SNX29: variants seen among roughly 807,000 people sequenced by gnomAD.
SNX29 encodes the protein sorting nexin-29.
In SNX29, 78 loss-of-function variants were observed where a neutral mutation model predicts 102.1. The observed-to-expected ratio is 0.76, with a 90% CI of 0.64 to 0.92. The LOEUF (loss-of-function observed/expected upper bound fraction) is 0.92, where lower values mean the gene tolerates loss of function less well. Among genes scored for constraint, SNX29 ranks in the 40% least tolerant of loss-of-function variants. SNX29 has a pLI of 0.00. For missense variants in SNX29, 1,280 were observed against 1,061.7 expected (o/e 1.21, Z -2.86); for synonymous variants, 580 against 414.5 (o/e 1.40, Z -4.85).
intron 1 of SNX29, among the ~76,000 whole-genome samples, chr16:11,985,283 T>C (rs17237958): frequency 0.085 from 12,962 of 152,212 alleles, 651 homozygotes; most frequent in East Asian, 0.24. Flanking sequence ...CTATCACTTA[T>C]CAAAAGGTTG....
intron 1 of SNX29, among the ~76,000 whole-genome samples, chr16:11,983,173 C>T (rs1378927869): frequency 6.6e-6 from 1 of 151,820 alleles, no homozygotes. Flanking sequence ...TCAGGTGATC[C>T]ACCTGCCTTG....
At chr16:12,328,666 C>G (rs1433620820) in intron 15 of SNX29, among the ~76,000 whole-genome samples, 1 of 152,194 alleles carries the variant, frequency 6.6e-6, no homozygotes, top group Non-Finnish European at 1.5e-5. Flanking sequence ...ATCGTTCATC[C>G]TTTCACTTGG....
chr16:12,554,293 C>T (rs1357149243), intron 20 of SNX29, among the ~76,000 whole-genome samples: 4 of 152,224 alleles, frequency 2.6e-5, no homozygotes, highest in Non-Finnish European at 5.9e-5. Context: ...GTGCTTGCTT[C>T]ATATGAGGTT....
Position 12,129,675 on chromosome 16 carries a change from G to C in SNX29, c.1512G>C (p.Ala504=). Residue 504 remains alanine (A), a synonymous_variant, in exon 13 of 21, where the codon GCG becomes GCC. Coordinates refer to ENST00000566228, the MANE Select transcript of SNX29 (RefSeq NM_032167.5). ...LLDGEMEHSA[A]LRQEVDTLKR... ...ACGGTGAGATGGAGCACTCAGCCGC[G>C]CTCCGGCAAGAGGTGGACACCTTGA... 6.2e-7 allele frequency: 1 copy of C among 1,611,152 alleles called. No individual in the cohort carries two copies. The highest frequency in any genetic ancestry group is 8.5e-7 in the Non-Finnish European group (1 of 1,179,572).
rs781015051 is a variant in SNX29, at chr16:12,568,545, C to G, written c.2358C>G (p.Pro786=). 21 of 1,609,554 alleles carry G rather than the reference C, an allele frequency of 1.3e-5. No homozygotes were observed. Among genetic ancestry groups the G allele is most frequent in the African/African-American group, 5.3e-5 (4 of 74,926 alleles). The part of the protein sequence containing the change: ...TPPGEPVNSR[P]KAASRFPKLS... The stretch of plus-strand genomic sequence containing the variant: ...CCGGAGAGCCTGTGAACAGCCGGCC[C>G]AAAGCAGCTTCCCGCTTCCCCAAAC... The change falls in exon 21 of 21, where the codon CCC becomes CCG. Residue 786 remains proline (P), a synonymous_variant. Coordinates refer to ENST00000566228, the MANE Select transcript of SNX29 (RefSeq NM_032167.5).
At chr16:11,990,223 C>A (rs1017599796) in intron 1 of SNX29, among the ~76,000 whole-genome samples, 2 of 152,144 alleles carry the variant, frequency 1.3e-5, no homozygotes, top group African/African-American at 4.8e-5. Flanking sequence ...ATTGTTCTCA[C>A]AAGAGTATAA....
rs574595815 is a variant in SNX29 at position 12,460,482 on chromosome 16, C to A, written c.2038-17237C>A. On this transcript the variant is annotated intron_variant, in intron 18 of 20. Coordinates refer to ENST00000566228, the MANE Select transcript of SNX29 (RefSeq NM_032167.5). Reference sequence around the variant, plus strand: ...GTCTTCCCTCTTGTTACCTCCTCCTCCCCCTGGCCAGCTCCTCTTCATCCT... The same window carrying A: ...GTCTTCCCTCTTGTTACCTCCTCCTACCCCTGGCCAGCTCCTCTTCATCCT... Among the ~76,000 whole-genome samples, 3 of 152,226 alleles carry A rather than the reference C, an allele frequency of 2.0e-5. No individual in the cohort carries two copies. The South Asian group carries it at 6.2e-4, about 32-fold the overall frequency.
At chr16:12,500,761 A>T (rs957476147) in intron 19 of SNX29, among the ~76,000 whole-genome samples, 1 of 152,240 alleles carries the variant, frequency 6.6e-6, no homozygotes, top group African/African-American at 2.4e-5. Context: ...GAGAATCTGC[A>T]TGTTCACAGG....
At chr16:12,413,374 G>T (rs2151554533) in intron 18 of SNX29, among the ~76,000 whole-genome samples, 2 of 152,154 alleles carry the variant, frequency 1.3e-5, no homozygotes, top group Middle Eastern at 6.8e-3. Flanking sequence ...AGAGACAGGT[G>T]GCAGAGGGTG....
intron 18 of SNX29, among the ~76,000 whole-genome samples, chr16:12,459,036 C>T (rs1356449973): frequency 1.4e-5 from 2 of 145,208 alleles, no homozygotes; most frequent in African/African-American, 2.6e-5. Flanking sequence ...CCTCCTCCTC[C>T]GCCCCCTCCT....
At chr16:12,033,132 G>C (rs1455330559) in intron 4 of SNX29, among the ~76,000 whole-genome samples, 1 of 152,174 alleles carries the variant, frequency 6.6e-6, no homozygotes, top group Non-Finnish European at 1.5e-5. Context: ...TGGAAGTACA[G>C]GTGCGAGCCA....
intron 16 of SNX29, among the ~76,000 whole-genome samples, chr16:12,386,315 T>G (rs1221415250): frequency 1.3e-5 from 2 of 152,334 alleles, no homozygotes; most frequent in Middle Eastern, 3.4e-3. Flanking sequence ...GGCACTCTTC[T>G]TAGTACTTTA....
At chr16:12,552,554 A>G (rs1273753069) in intron 20 of SNX29, among the ~76,000 whole-genome samples, 2 of 152,198 alleles carry the variant, frequency 1.3e-5, no homozygotes, top group Non-Finnish European at 2.9e-5. Flanking sequence ...CAGCACTGGC[A>G]CACAGGCCAG....
In SNX29 at chr16:12,552,797, C is replaced by T. The variant is rs558838344; in HGVS notation, c.2319-15709C>T. Among the ~76,000 whole-genome samples, 3 of 152,092 alleles carry T rather than the reference C, an allele frequency of 2.0e-5. No homozygotes were observed. In the South Asian group the frequency reaches 6.2e-4, roughly 32 times the overall value. Reference sequence around the variant, plus strand: ...TCTCAGCTCTGGGCTTTCAGTCATCCTGGAGGAGAGAACAGCCAACAGTGT... The same window carrying T: ...TCTCAGCTCTGGGCTTTCAGTCATCTTGGAGGAGAGAACAGCCAACAGTGT... On this transcript the variant is annotated intron_variant, in intron 20 of 20. Coordinates refer to ENST00000566228, the MANE Select transcript of SNX29 (RefSeq NM_032167.5).
Position 12,573,884 on chromosome 16 carries a change from C to G in SNX29, c.*5255C>G. ...TGGCCTCTCTTCATCCCTGGCTTAG[C>G]CGTCAGGTAGAACGCTTACTCACCT... On this transcript the variant is annotated 3_prime_UTR_variant, in exon 21 of 21. Coordinates refer to ENST00000566228, the MANE Select transcript of SNX29 (RefSeq NM_032167.5). 4.8e-6 allele frequency: 1 copy of G among 207,492 alleles called. No homozygotes were observed. The highest frequency in any genetic ancestry group is 1.9e-4 in the South Asian group (1 of 5,300). 12.9% of individuals were successfully genotyped at this position (207,492 alleles called of 1,614,324 possible).
intron 8 of SNX29, among the ~76,000 whole-genome samples, chr16:12,060,586 G>A (rs1046029582): frequency 1.1e-4 from 17 of 152,220 alleles, no homozygotes; most frequent in Admixed American, 9.2e-4. Context: ...GTGGACAACA[G>A]AGCAAGACTC....
In SNX29 at chr16:12,361,883, T is replaced by A. The variant is rs112177148; in HGVS notation, c.1899+5604T>A. 4.8e-3 allele frequency among the ~76,000 whole-genome samples: 725 copies of A among 151,828 alleles called. 5 individuals are homozygous for A. Among genetic ancestry groups the A allele is most frequent in the African/African-American group, 0.017 (703 of 41,216 alleles). ...CCCCCTGATTTTCCTACCTGGAATC[T>A]GTAACTGTTACCAGTCTTGGGTTTC... On this transcript the variant is annotated intron_variant, in intron 16 of 20. Coordinates refer to ENST00000566228, the MANE Select transcript of SNX29 (RefSeq NM_032167.5).
intron 18 of SNX29, among the ~76,000 whole-genome samples, chr16:12,452,763 T>G (rs2086363000): frequency 6.6e-6 from 1 of 151,946 alleles, no homozygotes. Context: ...AGCCGGGTGG[T>G]GAAGGTGTCG....
Position 12,572,642 on chromosome 16 carries a change from C to G in SNX29, c.*4013C>G, listed in dbSNP as rs1278965026. 1.9e-6 allele frequency: 2 copies of G among 1,063,836 alleles called. No homozygotes were observed. The highest frequency in any genetic ancestry group is 2.3e-6 in the Non-Finnish European group (2 of 878,376). The allele number at this position is 1,063,836 out of a possible 1,614,324, so 65.9% of individuals were successfully genotyped here. On this transcript the variant is annotated 3_prime_UTR_variant, in exon 21 of 21. Transcript: ENST00000566228. ...CCCCAGAATCCATCCTTCATTCCTC[C>G]ACCAAGCTCCTGTGTGAGCTGCAGC...
Sources: gnomAD v4.1 joint callset for allele counts (sites outside exome capture counted in the v4.1 genomes callset) on GRCh38, gnomAD v4.1.1 for gene constraint, MANE v1.5 for transcripts, NCBI Gene and HGNC (gene_info 2026-07-23, HGNC 2026-07-21) for gene names.